Variants in ZNF776 observed in about 807,000 individuals in gnomAD.
ZNF776 encodes zinc finger protein 776.
In ZNF776, 4 loss-of-function variants were observed where a neutral mutation model predicts 7.0. The observed-to-expected ratio is 0.57, with a 90% CI of 0.28 to 1.31. The LOEUF is 1.31. ZNF776 is among the 50% of genes most tolerant of loss of function. The pLI is 0.10. For synonymous variants in ZNF776, 212 were observed against 213.7 expected, an observed-to-expected ratio of 0.99 and a Z score of 0.07; for missense variants, 555 against 625.9, an observed-to-expected ratio of 0.89 and a Z score of 1.21.
At position 57,750,772 on chromosome 19, in the gene ZNF776, A is replaced by G. The variant is rs761017271; in HGVS notation, c.34-13A>G. 6.2e-7 allele frequency: 1 copy of G among 1,608,144 alleles called. No individual in the cohort carries two copies. Among genetic ancestry groups the G allele is most frequent in the South Asian group, 1.1e-5 (1 of 90,810 alleles). ...TGGAGTGTTTGTGGTTTCATCTGTC[A>G]TCATCACGGCAGGGCACTGTGACCT... On this transcript the variant is annotated splice_polypyrimidine_tract_variant and intron_variant, in intron 1 of 2. Transcript: ENST00000317178.
In ZNF776 at chr19:57,754,210, G is replaced by A; in HGVS notation, c.1080G>A (p.Lys360=). 6.2e-7 allele frequency: 1 copy of A among 1,614,112 alleles called. No individual in the cohort carries two copies. The highest frequency in any genetic ancestry group is 1.7e-5 in the Admixed American group (1 of 60,028). Reference sequence around the variant, plus strand: ...AATGTGGGAAATCGTTTAATCACAAGTGCAACCTCATTCAGCATCAGCGAG... The same window carrying A: ...AATGTGGGAAATCGTTTAATCACAAATGCAACCTCATTCAGCATCAGCGAG... ...CGECGKSFNH[K]CNLIQHQRVH... Residue 360 remains lysine (K), a synonymous_variant, in exon 3 of 3, where the codon AAG becomes AAA. Coordinates refer to ENST00000317178, the MANE Select transcript of ZNF776 (RefSeq NM_173632.4).
intron 1 of ZNF776, 77 bp from the exon 2 acceptor site, chr19:57,750,708 G>T: frequency 6.6e-7 from 1 of 1,513,274 alleles, no homozygotes; most frequent in Non-Finnish European, 8.9e-7. Flanking sequence ...TAGGACCTTG[G>T]GAGGAGGAAG....
intron 1 of ZNF776, among the ~76,000 whole-genome samples, chr19:57,747,690 A>C (rs1986478374): frequency 6.6e-6 from 1 of 152,204 alleles, no homozygotes; most frequent in Middle Eastern, 3.2e-3. Context: ...CATCAGGGAT[A>C]CATTCTTGTA....
At chr19:57,752,613 G>C (rs1348935030) in intron 2 of ZNF776, among the ~76,000 whole-genome samples, 1 of 152,136 alleles carries the variant, frequency 6.6e-6, no homozygotes, top group Non-Finnish European at 1.5e-5. Context: ...GATTTCACAA[G>C]TATTTACCTG....
intron 2 of ZNF776, among the ~76,000 whole-genome samples, chr19:57,752,062 C>T (rs554977662): frequency 4.6e-5 from 7 of 151,862 alleles, no homozygotes; most frequent in Non-Finnish European, 1.0e-4. Flanking sequence ...TTAGTAGAGA[C>T]GGGGTTTCAC....
intron 2 of ZNF776, among the ~76,000 whole-genome samples, chr19:57,752,216 T>C (rs760480148): frequency 1.3e-5 from 2 of 152,134 alleles, no homozygotes; most frequent in South Asian, 4.1e-4. Flanking sequence ...GTTACCCAGG[T>C]TGGTCTTGAA....
rs1365152824 is a variant in ZNF776 at position 57,753,620 on chromosome 19, T to C, written c.490T>C (p.Phe164Leu). The C allele has an allele frequency of 1.2e-6, 2 of 1,614,020 alleles. No individual in the cohort carries two copies. Among genetic ancestry groups the C allele is most frequent in the Non-Finnish European group, 1.7e-6 (2 of 1,180,030 alleles). ...NCKFHMSHEP[F>L]IFHEVGKDFL... Reference sequence around the variant, plus strand: ...TAAATTCCATATGTCACATGAGCCATTTATCTTTCATGAGGTTGGGAAAGA... The same window carrying C: ...TAAATTCCATATGTCACATGAGCCACTTATCTTTCATGAGGTTGGGAAAGA... Residue 164 changes from phenylalanine (F) to leucine (L), a missense_variant, in exon 3 of 3, where the codon TTT (phenylalanine) becomes CTT (leucine). By Grantham distance (22) the Phe-to-Leu change is conservative (BLOSUM62 0). Transcript: ENST00000317178.
intron 2 of ZNF776, among the ~76,000 whole-genome samples, chr19:57,751,899 G>T (rs1986621020): frequency 8.7e-6 from 1 of 115,592 alleles, no homozygotes; most frequent in African/African-American, 3.0e-5. Flanking sequence ...TTGAGACGGA[G>T]TCTTGCTCTG....
chr19:57,753,320 C>T lies in ZNF776; in HGVS notation c.190C>T (p.Pro64Ser), dbSNP rs184557756. Residue 64 changes from proline (P) to serine (S), a missense_variant, in exon 3 of 3, where the codon CCT becomes TCT. Transcript: ENST00000317178. ...TTGGTATGGAGCAAAAGACGAGACACCTTCTAAGCAGACCCTTTCTATACA... is the reference window on the plus strand; with the variant it reads ...TTGGTATGGAGCAAAAGACGAGACATCTTCTAAGCAGACCCTTTCTATACA... ...GCWYGAKDETPSKQTLSIQQE... is the reference protein window; with the variant it reads ...GCWYGAKDETSSKQTLSIQQE... 96 of 1,612,536 alleles carry T rather than the reference C, an allele frequency of 6.0e-5. No individual in the cohort carries two copies. The East Asian group carries it at 1.9e-3, about 31-fold the overall frequency.
At chr19:57,753,063 C>T (rs1986652629) in intron 2 of ZNF776, among the ~76,000 whole-genome samples, 2 of 152,156 alleles carry the variant, frequency 1.3e-5, no homozygotes, top group South Asian at 2.1e-4. Flanking sequence ...ATGTAGGGGG[C>T]CACATGATGT....
rs1986443118 is a variant in ZNF776, at chr19:57,746,829, T to G, written c.-230T>G. ...CGTCCTCTACTAGTGGCCATTTTGA[T>G]TGGTGTTGGGTGTATTTTCCAGTGA... On this transcript the variant is annotated 5_prime_UTR_variant, in exon 1 of 3. Transcript: ENST00000317178. 1 of 416,338 alleles carries G rather than the reference T, an allele frequency of 2.4e-6. No homozygotes were observed. The highest frequency in any genetic ancestry group is 7.7e-5 in the South Asian group (1 of 12,964). The allele number at this position is 416,338 out of a possible 1,614,324, so 25.8% of individuals were successfully genotyped here. A position where few individuals can be genotyped will look rare whatever the true frequency, so the allele number is the denominator to read the frequency against.
At chr19:57,750,088 G>T (rs1338818301) in intron 1 of ZNF776, among the ~76,000 whole-genome samples, 1 of 152,096 alleles carries the variant, frequency 6.6e-6, no homozygotes. Context: ...AGGCAGTTTA[G>T]TGGGGGTGGC....
Position 57,750,682 on chromosome 19 carries a change from G to A in ZNF776, c.34-103G>A, listed in dbSNP as rs544787651. ...GAAGATAGTGACACCAGTGGGCCTA[G>A]TTTCTCCTTGTAGTTTAGGACCTTG... is the stretch of plus-strand genomic sequence containing the variant. On this transcript the variant is annotated intron_variant, in intron 1 of 2. Coordinates refer to ENST00000317178, the MANE Select transcript of ZNF776 (RefSeq NM_173632.4). 5.5e-5 allele frequency: 79 copies of A among 1,440,900 alleles called. No individual in the cohort carries two copies. In the South Asian group the frequency reaches 1.1e-3, roughly 20 times the overall value. 89.3% of individuals were successfully genotyped at this position (1,440,900 alleles called of 1,614,324 possible).
chr19:57,751,662 T>G lies in ZNF776; in HGVS notation c.160+751T>G, dbSNP rs1008008199. Among the ~76,000 whole-genome samples, 3 of 151,356 alleles carry G rather than the reference T, an allele frequency of 2.0e-5. No individual in the cohort carries two copies. In the South Asian group the frequency reaches 6.3e-4, roughly 32 times the overall value. On this transcript the variant is annotated intron_variant, in intron 2 of 2. Transcript: ENST00000317178. ...ATTACAAGCATGAGCCAGTGTGCCC[T>G]GAGTATTTTTTGCTTTTTTGTTTTT...
At position 57,755,392 on chromosome 19, in the gene ZNF776, A is replaced by G. The variant is rs1986748255; in HGVS notation, c.*705A>G. Reference sequence around the variant, plus strand: ...TTAGTCAAACCTCTATGCTCCTTCAAAATCAGAGTTCACACTGGATCAAGG... The same window carrying G: ...TTAGTCAAACCTCTATGCTCCTTCAGAATCAGAGTTCACACTGGATCAAGG... On this transcript the variant is annotated 3_prime_UTR_variant, in exon 3 of 3. Transcript: ENST00000317178. The G allele has an allele frequency of 6.6e-6, 1 of 152,312 alleles. No individual in the cohort carries two copies. The highest frequency in any genetic ancestry group is 2.4e-5 in the African/African-American group (1 of 41,458). 9.4% of individuals were successfully genotyped at this position (152,312 alleles called of 1,614,324 possible).
In ZNF776 at chr19:57,754,324, C is replaced by T. The variant is rs779568816; in HGVS notation, c.1194C>T (p.His398=). Reference sequence around the variant, plus strand: ...ACCTAAAGGAACACCAGAGAGTTCACACTGGAGAAAGACCCTATGAGTGTA... The same window carrying T: ...ACCTAAAGGAACACCAGAGAGTTCATACTGGAGAAAGACCCTATGAGTGTA... ...NSHLKEHQRV[H]TGERPYECKE... is the part of the protein sequence containing the mutation. Residue 398 remains histidine (H), a synonymous_variant, in exon 3 of 3, where the codon CAC becomes CAT. Transcript: ENST00000317178. 6.2e-7 allele frequency: 1 copy of T among 1,614,132 alleles called. No individual in the cohort carries two copies. The highest frequency in any genetic ancestry group is 2.2e-5 in the East Asian group (1 of 44,872).
In ZNF776 at chr19:57,754,563, A is replaced by G. The variant is rs760111438; in HGVS notation, c.1433A>G (p.His478Arg). ...CATCAAAAGGGCAGTCTCATTCGAC[A>G]TCAGCAGATTCACTCTGGAGAAAGG... ...CFHQKGSLIR[H>R]QQIHSGERPH... Residue 478 changes from histidine to arginine, a missense_variant, in exon 3 of 3, where the codon CAT becomes CGT. Coordinates refer to ENST00000317178, the MANE Select transcript of ZNF776 (RefSeq NM_173632.4). The G allele has an allele frequency of 3.1e-6, 5 of 1,614,230 alleles. No homozygotes were observed. In the South Asian group the frequency reaches 4.4e-5, roughly 14 times the overall value.
intron 2 of ZNF776, 120 bp downstream of exon 2, chr19:57,751,031 T>G: frequency 8.2e-7 from 1 of 1,222,294 alleles, no homozygotes; most frequent in Non-Finnish European, 1.1e-6. Context: ...CCTCTGTTAG[T>G]TCCCTGGGTA....
chr19:57,751,709 A>C (rs1986606675), intron 2 of ZNF776, among the ~76,000 whole-genome samples: 1 of 146,140 alleles, frequency 6.8e-6, no homozygotes, highest in African/African-American at 2.5e-5. Flanking sequence ...ACAGGGTTTC[A>C]CTGTCATCCA....
Sources: allele counts gnomAD v4.1 joint callset (sites outside exome capture counted in the v4.1 genomes callset), GRCh38; gene constraint gnomAD v4.1.1; transcripts MANE v1.5; gene names NCBI Gene and HGNC (gene_info 2026-07-23, HGNC 2026-07-21).